The following PRKD3 variants were observed in gnomAD, a reference collection of about 807,000 sequenced individuals.
PRKD3 encodes protein kinase D3.
A neutral mutation model predicts 99.2 loss-of-function variants in PRKD3; 47 were observed. The observed-to-expected ratio is 0.47, with a 90% CI of 0.38 to 0.60. The LOEUF (loss-of-function observed/expected upper bound fraction) is 0.60. Ranked by LOEUF, PRKD3 falls within the 20% of genes least tolerant of loss-of-function variation. The pLI, the probability that PRKD3 is intolerant of heterozygous loss-of-function variation, is 0.00. For synonymous variants in PRKD3, 392 were observed against 355.4 expected (o/e 1.10, Z -1.16); for missense variants, 1,019 against 1,088.4 (o/e 0.94, Z 0.90).
chr2:37,252,265 TACTG>T lies in PRKD3; in HGVS notation c.*908_*911del, dbSNP rs1389531088. On this transcript the variant is annotated 3_prime_UTR_variant, in exon 19 of 19. Coordinates refer to ENST00000234179, the MANE Select transcript of PRKD3 (RefSeq NM_005813.6). The stretch of plus-strand genomic sequence containing the variant: ...ACTGGCCCTGCTAAAAAGCAGAAAT[TACTG>T]ACTGAACCCTAGGTAAAGATAAATT... 1 of 152,154 alleles carries T rather than the reference TACTG, an allele frequency of 6.6e-6. No individual in the cohort carries two copies. The highest frequency in any genetic ancestry group is 1.5e-5 in the Non-Finnish European group (1 of 68,032). The allele number at this position is 152,154 out of a possible 1,614,324, so 9.4% of individuals were successfully genotyped here.
chr2:37,273,731 A>G (rs1211324335), intron 11 of PRKD3, among the ~76,000 whole-genome samples: 2 of 152,198 alleles, frequency 1.3e-5, no homozygotes, highest in Non-Finnish European at 2.9e-5. Context: ...ACTTATTTCA[A>G]TTTGAGTATA....
rs755691271 is a variant in PRKD3, at chr2:37,259,616, A to G, written c.2112T>C (p.Asn704=). 2 of 1,613,522 alleles carry G rather than the reference A, an allele frequency of 1.2e-6. No individual in the cohort carries two copies. Among genetic ancestry groups the G allele is most frequent in the Middle Eastern group, 1.7e-4 (1 of 6,058 alleles). ...NIVHCDLKPE[N]VLLASAEPFP... ...ATGGCTCTGCTGATGCAAGCAGCAC[A>G]TTTTCTGGCTTTAAATCACAGTGCA... is the stretch of plus-strand genomic sequence containing the variant. The change falls in exon 16 of 19, where the codon AAT becomes AAC. Residue 704 remains asparagine, a synonymous_variant. Coordinates refer to ENST00000234179, the MANE Select transcript of PRKD3 (RefSeq NM_005813.6).
rs1287862486 is a variant in PRKD3 at position 37,286,387 on chromosome 2, T to C, written c.718-18A>G. The C allele has an allele frequency of 3.7e-6, 6 of 1,602,686 alleles. No individual in the cohort carries two copies. Among genetic ancestry groups the C allele is most frequent in the Non-Finnish European group, 5.1e-6 (6 of 1,170,444 alleles). On this transcript the variant is annotated intron_variant, in intron 5 of 18. Coordinates refer to ENST00000234179, the MANE Select transcript of PRKD3 (RefSeq NM_005813.6). ...ACATGTGACTATAACATAAGTAATT[T>C]TCATAAGTGTAAGTCAATATTAAAA...
chr2:37,276,297 A>G (rs951294684), intron 9 of PRKD3, among the ~76,000 whole-genome samples: 1 of 152,184 alleles, frequency 6.6e-6, no homozygotes, highest in South Asian at 2.1e-4. Flanking sequence ...TCAGCAACGT[A>G]TGAGAGTCCC....
At chr2:37,255,840 T>C (rs1157288388) in intron 17 of PRKD3, among the ~76,000 whole-genome samples, 3 of 152,022 alleles carry the variant, frequency 2.0e-5, no homozygotes, top group Non-Finnish European at 2.9e-5. Flanking sequence ...ACCCCATCTC[T>C]ACAAAAAATT....
chr2:37,310,306 T>C (rs1299410800), intron 2 of PRKD3, among the ~76,000 whole-genome samples: 2 of 152,214 alleles, frequency 1.3e-5, no homozygotes, highest in Non-Finnish European at 2.9e-5. Context: ...ATTGATTAGC[T>C]AGCATATACT....
At chr2:37,291,330 C>T (rs1180012424) in intron 3 of PRKD3, among the ~76,000 whole-genome samples, 1 of 152,158 alleles carries the variant, frequency 6.6e-6, no homozygotes, top group African/African-American at 2.4e-5. Context: ...AAATAGAACA[C>T]TAAAGTAAAA....
intron 13 of PRKD3, chr2:37,268,429 G>A (rs1459999457): frequency 4.4e-6 from 2 of 456,872 alleles, no homozygotes; most frequent in Non-Finnish European, 9.0e-6. Context: ...CATTTTCTAG[G>A]CGACTGCTTT....
At chr2:37,260,552 T>G (rs992003553) in intron 14 of PRKD3, among the ~76,000 whole-genome samples, 168 bp from the exon 15 acceptor site, 1 of 152,220 alleles carries the variant, frequency 6.6e-6, no homozygotes, top group Non-Finnish European at 1.5e-5. Flanking sequence ...AGGTTTTAAT[T>G]CTCCAAGTTG....
intron 2 of PRKD3, among the ~76,000 whole-genome samples, chr2:37,305,374 C>T (rs993625226): frequency 6.6e-6 from 1 of 152,192 alleles, no homozygotes; most frequent in Non-Finnish European, 1.5e-5. Flanking sequence ...AGAATTATTC[C>T]AATTTCTGTA....
intron 1 of PRKD3, among the ~76,000 whole-genome samples, chr2:37,319,507 G>A (rs1319764803): frequency 6.6e-6 from 1 of 152,148 alleles, no homozygotes; most frequent in Admixed American, 6.5e-5. Flanking sequence ...TTTGCATTTA[G>A]TTTCCCCAAA....
intron 1 of PRKD3, among the ~76,000 whole-genome samples, 171 bp from the exon 2 acceptor site, chr2:37,317,350 T>C (rs1420053102): frequency 6.6e-6 from 1 of 152,198 alleles, no homozygotes; most frequent in Non-Finnish European, 1.5e-5. Context: ...TTTTTTACTA[T>C]AAGTATAATT....
At position 37,261,415 on chromosome 2, in the gene PRKD3, A is replaced by T. The variant is rs542903879; in HGVS notation, c.1885-1031T>A. Reference sequence around the variant, plus strand: ...GGCAGGAGAATCACTTGAACCTGGGAGGTGGAGGCTGCAGTGAGCCGAGAT... The same window carrying T: ...GGCAGGAGAATCACTTGAACCTGGGTGGTGGAGGCTGCAGTGAGCCGAGAT... On this transcript the variant is annotated intron_variant, in intron 14 of 18. Coordinates refer to ENST00000234179, the MANE Select transcript of PRKD3 (RefSeq NM_005813.6). Among the ~76,000 whole-genome samples the T allele has an allele frequency of 1.5e-4, 23 of 151,732 alleles. No homozygotes were observed. The East Asian group carries it at 4.5e-3, about 29-fold the overall frequency.
chr2:37,276,305 C>T (rs1669568585), intron 9 of PRKD3, among the ~76,000 whole-genome samples: 1 of 152,166 alleles, frequency 6.6e-6, no homozygotes, highest in South Asian at 2.1e-4. Context: ...GTATGAGAGT[C>T]CCTAGTTACT....
chr2:37,282,776 C>A (rs771515246), intron 6 of PRKD3, among the ~76,000 whole-genome samples, 157 bp from the exon 7 acceptor site: 9 of 151,610 alleles, frequency 5.9e-5, no homozygotes, highest in Admixed American at 1.3e-4. Context: ...CCCTCTGCAC[C>A]CCCCCATCAT....
chr2:37,276,975 C>G (rs1051565178), intron 9 of PRKD3, among the ~76,000 whole-genome samples: 1 of 151,976 alleles, frequency 6.6e-6, no homozygotes, highest in Non-Finnish European at 1.5e-5. Flanking sequence ...GGTAGGCACA[C>G]CACTTCAAGT....
chr2:37,324,055 A>C (rs1361782696), intron 1 of PRKD3: 1 of 400,280 alleles, frequency 2.5e-6, no homozygotes, highest in South Asian at 1.0e-4. Context: ...CTGCTCAAAG[A>C]AACAGTGGCA....
intron 9 of PRKD3, among the ~76,000 whole-genome samples, chr2:37,277,301 T>G (rs1236314760): frequency 6.6e-6 from 1 of 152,150 alleles, no homozygotes; most frequent in Admixed American, 6.5e-5. Flanking sequence ...ATAAAGAAAC[T>G]AAGTAACTTT....
At chr2:37,306,464 T>C (rs1285880826) in intron 2 of PRKD3, among the ~76,000 whole-genome samples, 1 of 152,168 alleles carries the variant, frequency 6.6e-6, no homozygotes. Context: ...ATATATAGGT[T>C]AAAAATTCAC....
Sources: gnomAD v4.1 joint callset for allele counts (sites outside exome capture counted in the v4.1 genomes callset) on GRCh38, gnomAD v4.1.1 for gene constraint, MANE v1.5 for transcripts, NCBI Gene and HGNC (gene_info 2026-07-23, HGNC 2026-07-21) for gene names.